The following ACTR3C variants were observed in gnomAD, a reference collection of about 807,000 sequenced individuals.
ACTR3C encodes the protein actin related protein 3C, also known as actin-related protein 3C.
A neutral mutation model predicts 26.3 loss-of-function variants in ACTR3C; 18 were observed. The ratio of observed to expected loss-of-function variants is 0.68; its 90% CI spans 0.47 to 1.01. The LOEUF (loss-of-function observed/expected upper bound fraction) is 1.01, where lower values mean the gene tolerates loss of function less well. ACTR3C is among the 50% of genes least tolerant of loss of function. The pLI is 0.00. For synonymous variants in ACTR3C, 55 were observed against 94.5 expected (o/e 0.58, Z 2.42); for missense variants, 184 against 250.7 (o/e 0.73, Z 1.80).
intron 6 of ACTR3C, among the ~76,000 whole-genome samples, chr7:150,280,505 G>A (rs1261331374): frequency 6.6e-6 from 1 of 152,194 alleles, no homozygotes; most frequent in African/African-American, 2.4e-5. Context: ...GTTACCAGGT[G>A]CTGCGGAGTG....
chr7:150,172,897 C>A, the ACTR3C span, among the ~76,000 whole-genome samples: 1 of 150,412 alleles, frequency 6.6e-6, no homozygotes, highest in African/African-American at 2.5e-5. Context: ...TCTCTTTTGA[C>A]TCCCTGTCTC....
chr7:150,222,117 A>G, the ACTR3C span, among the ~76,000 whole-genome samples: 1 of 152,126 alleles, frequency 6.6e-6, no homozygotes, highest in African/African-American at 2.4e-5. Context: ...TAATGTTCCC[A>G]ACTCCAAGTT....
chr7:150,009,993 C>T, the ACTR3C span, among the ~76,000 whole-genome samples: 1 of 152,378 alleles, frequency 6.6e-6, no homozygotes, highest in East Asian at 1.9e-4. Context: ...TCAGTGCCTT[C>T]CTGCTACTCT....
the ACTR3C span, among the ~76,000 whole-genome samples, chr7:150,018,955 C>T: frequency 6.7e-6 from 1 of 150,122 alleles, no homozygotes; most frequent in Admixed American, 6.6e-5. Flanking sequence ...GTTTGAAAGT[C>T]GTAATATAAA....
At chr7:150,249,984 C>A (rs185323473) in intron 6 of ACTR3C, among the ~76,000 whole-genome samples, 4 of 152,236 alleles carry the variant, frequency 2.6e-5, no homozygotes, top group African/African-American at 9.6e-5. Flanking sequence ...CCATTGACAC[C>A]GAACTCGCAG....
At chr7:150,236,888 T>C in the ACTR3C span, among the ~76,000 whole-genome samples, 2 of 150,584 alleles carry the variant, frequency 1.3e-5, no homozygotes, top group Non-Finnish European at 2.9e-5. Context: ...TGATATTCTT[T>C]CCTAATTATT....
the ACTR3C span, among the ~76,000 whole-genome samples, chr7:150,097,370 T>C: frequency 0.036 from 5,440 of 151,714 alleles, 194 homozygotes; most frequent in Middle Eastern, 0.092. Context: ...CATCCTGTTA[T>C]TGGGGACACA....
the ACTR3C span, among the ~76,000 whole-genome samples, chr7:149,984,743 T>TG: frequency 1.3e-5 from 2 of 152,040 alleles, no homozygotes; most frequent in Non-Finnish European, 1.5e-5. Flanking sequence ...TTGTTTGGCT[T>TG]CAGAGTTGCA....
the ACTR3C span, among the ~76,000 whole-genome samples, chr7:150,213,809 A>G: frequency 6.8e-6 from 1 of 146,638 alleles, no homozygotes; most frequent in Admixed American, 6.9e-5. Context: ...GTTTATCAAA[A>G]TGTGAGTTTT....
the ACTR3C span, among the ~76,000 whole-genome samples, chr7:150,183,920 G>A: frequency 1.3e-5 from 2 of 150,140 alleles, no homozygotes; most frequent in Admixed American, 6.6e-5. Flanking sequence ...TCTGATGTTT[G>A]TAAGTGTCTG....
the ACTR3C span, among the ~76,000 whole-genome samples, chr7:149,893,390 G>C: frequency 2.0e-5 from 3 of 152,224 alleles, no homozygotes; most frequent in African/African-American, 7.2e-5. Flanking sequence ...TGTCTCTCCA[G>C]TGGGAGGCTC....
chr7:150,170,054 C>T, the ACTR3C span, among the ~76,000 whole-genome samples: 1 of 149,240 alleles, frequency 6.7e-6, no homozygotes, highest in South Asian at 2.1e-4. Flanking sequence ...TATCCTGTGG[C>T]TCAGAGTCTC....
the ACTR3C span, among the ~76,000 whole-genome samples, chr7:149,903,307 T>G: frequency 2.6e-5 from 4 of 151,300 alleles, no homozygotes; most frequent in Non-Finnish European, 5.9e-5. Context: ...TAACCACTAT[T>G]TGAAGGCAAT....
At chr7:149,971,696 A>G in the ACTR3C span, among the ~76,000 whole-genome samples, 2 of 152,182 alleles carry the variant, frequency 1.3e-5, no homozygotes, top group African/African-American at 4.8e-5. Context: ...CTTTGCAGAA[A>G]GGTTTCTGAG....
At chr7:150,280,055 G>C (rs181228881) in intron 6 of ACTR3C, among the ~76,000 whole-genome samples, 1 of 152,276 alleles carries the variant, frequency 6.6e-6, no homozygotes, top group African/African-American at 2.4e-5. Context: ...CAAGTAAAGC[G>C]TGCAAGTTAC....
At chr7:149,987,148 TCTTA>T in the ACTR3C span, among the ~76,000 whole-genome samples, 2 of 145,430 alleles carry the variant, frequency 1.4e-5, no homozygotes, top group East Asian at 2.0e-4. Context: ...CTCACAAAAT[TCTTA>T]CTGTCTTTCC....
At chr7:150,131,107 G>C in the ACTR3C span, among the ~76,000 whole-genome samples, 1 of 152,186 alleles carries the variant, frequency 6.6e-6, no homozygotes, top group Non-Finnish European at 1.5e-5. Context: ...TCTTAAATTA[G>C]AGAATGTGAA....
the ACTR3C span, among the ~76,000 whole-genome samples, chr7:150,028,300 G>A: frequency 6.6e-6 from 1 of 152,260 alleles, no homozygotes. Flanking sequence ...TAGATGTGTG[G>A]CATTGACATC....
chr7:150,235,057 C>T, the ACTR3C span, among the ~76,000 whole-genome samples: 1 of 152,200 alleles, frequency 6.6e-6, no homozygotes, highest in Non-Finnish European at 1.5e-5. Flanking sequence ...TCATAATAAA[C>T]ATCTCTCTTC....
Sources: gnomAD v4.1 joint callset for allele counts (sites outside exome capture counted in the v4.1 genomes callset) on GRCh38, gnomAD v4.1.1 for gene constraint, MANE v1.5 for transcripts, NCBI Gene and HGNC (gene_info 2026-07-23, HGNC 2026-07-21) for gene names.